The following PCDHGA11 variants were observed in gnomAD, a reference collection of about 807,000 sequenced individuals.
PCDHGA11 encodes protocadherin gamma subfamily A, 11, also known as protocadherin gamma-A11.
PCDHGA11 carries 39 observed loss-of-function variants against 60.4 expected under a neutral mutation model. The ratio of observed to expected loss-of-function variants is 0.65; its 90% CI spans 0.50 to 0.84. The LOEUF (loss-of-function observed/expected upper bound fraction) is 0.84, where lower values mean the gene tolerates loss of function less well. PCDHGA11 is among the 40% of genes least tolerant of loss of function. The probability of loss-of-function intolerance (pLI) is 0.00; values close to 1 mark genes in which losing one functional copy is unlikely to be tolerated. For synonymous variants in PCDHGA11, 533 were observed against 510.3 expected (o/e 1.04, Z -0.60); for missense variants, 1,165 against 1,197.7 (o/e 0.97, Z 0.40).
chr5:141,478,692 A>C (rs1459911657), intron 1 of PCDHGA11: 2 of 1,550,666 alleles, frequency 1.3e-6, no homozygotes, highest in African/African-American at 2.7e-5. Context: ...CCTAGATCAA[A>C]GTTAGTGCCT....
At chr5:141,434,784 A>T (rs967716221) in intron 1 of PCDHGA11, among the ~76,000 whole-genome samples, 11 of 150,278 alleles carry the variant, frequency 7.3e-5, no homozygotes, top group East Asian at 5.8e-4. Flanking sequence ...AAAAAAAAAA[A>T]TTTTTTTTTC....
At chr5:141,499,289 C>T in intron 2 of PCDHGA11, among the ~76,000 whole-genome samples, 1 of 152,212 alleles carries the variant, frequency 6.6e-6, no homozygotes, top group African/African-American at 2.4e-5. Context: ...GATGGCTCCA[C>T]ACTACCATCC....
In PCDHGA11 at chr5:141,476,240, G is replaced by A. The variant is rs762604058; in HGVS notation, c.2434-18567G>A. On this transcript the variant is annotated intron_variant, in intron 1 of 3. Coordinates refer to ENST00000398587, the MANE Select transcript of PCDHGA11 (RefSeq NM_018914.3). This position sits in a 1 kb window ranked among gnomAD's most constrained non-coding sequence, Gnocchi z 7.6. ...TCACTATGAGATCCCGGAGGAAAGAGAGAAGGGTTTCGCTGTGGGCAACGT... is the reference window on the plus strand; with the variant it reads ...TCACTATGAGATCCCGGAGGAAAGAAAGAAGGGTTTCGCTGTGGGCAACGT... The A allele has an allele frequency of 4.3e-6, 7 of 1,613,986 alleles. No individual in the cohort carries two copies. The highest frequency in any genetic ancestry group is 1.7e-6 in the Non-Finnish European group (2 of 1,180,030).
intron 3 of PCDHGA11, chr5:141,508,128 T>C (rs1490298338): frequency 6.6e-6 from 1 of 151,706 alleles, no homozygotes; most frequent in African/African-American, 2.4e-5. Context: ...CAGAGGGAGG[T>C]CAGGGAGCTG....
At position 141,432,881 on chromosome 5, in the gene PCDHGA11, G is replaced by A; in HGVS notation, c.2433+9221G>A. On this transcript the variant is annotated intron_variant, in intron 1 of 3. Coordinates refer to ENST00000398587, the MANE Select transcript of PCDHGA11 (RefSeq NM_018914.3). This position sits in a 1 kb window ranked among gnomAD's most constrained non-coding sequence, Gnocchi z 6.0. ...GGTCTCCTGCGTCTTCCTGGCCTTC[G>A]TCATCTTGCTGCTGGCGCTCAGGCT... 6.2e-7 allele frequency: 1 copy of A among 1,614,170 alleles called. No homozygotes were observed. The highest frequency in any genetic ancestry group is 1.1e-5 in the South Asian group (1 of 91,088).
chr5:141,423,755 G>GC (rs542747697), intron 1 of PCDHGA11, 95 bp downstream of exon 1: 5,773 of 512,484 alleles, frequency 0.011, 63 homozygotes, highest in Non-Finnish European at 0.014. Context: ...CTGTTTGGGG[G>GC]GGGGGTGGGG....
At position 141,421,277 on chromosome 5, in the gene PCDHGA11, T is replaced by C. The variant is rs761435958; in HGVS notation, c.50T>C (p.Leu17Pro). The C allele has an allele frequency of 1.2e-6, 2 of 1,612,826 alleles. No homozygotes were observed. Among genetic ancestry groups the C allele is most frequent in the Non-Finnish European group, 1.7e-6 (2 of 1,179,630 alleles). The stretch of plus-strand genomic sequence containing the variant: ...GACCGCAGTCGGCTGCTGCTGCTGC[T>C]GTGCATTTTCCTGGGGACGCTGCGG... ...RGDRSRLLLL[L>P]CIFLGTLRGF... Residue 17 changes from leucine to proline, a missense_variant, in exon 1 of 4, where the codon CTG becomes CCG. Leu to Pro is a moderately conservative substitution (Grantham distance 98, BLOSUM62 -3). Coordinates refer to ENST00000398587, the MANE Select transcript of PCDHGA11 (RefSeq NM_018914.3).
Position 141,432,155 on chromosome 5 carries a change from C to T in PCDHGA11, c.2433+8495C>T, listed in dbSNP as rs368480052. 3.8e-5 allele frequency: 62 copies of T among 1,614,178 alleles called. No individual in the cohort carries two copies. In the African/African-American group the frequency reaches 7.1e-4, roughly 18 times the overall value. On this transcript the variant is annotated intron_variant, in intron 1 of 3. Coordinates refer to ENST00000398587, the MANE Select transcript of PCDHGA11 (RefSeq NM_018914.3). This position sits in a 1 kb window ranked among gnomAD's most constrained non-coding sequence, Gnocchi z 6.0. ...TTCCGCTTATATCCCAGAGAACAATCCCAGAGGAGTTTCCCTCGTCTCTGT... is the reference window on the plus strand; with the variant it reads ...TTCCGCTTATATCCCAGAGAACAATTCCAGAGGAGTTTCCCTCGTCTCTGT...
chr5:141,496,980 G>T (rs186715298), intron 2 of PCDHGA11, among the ~76,000 whole-genome samples: 1 of 151,974 alleles, frequency 6.6e-6, no homozygotes, highest in Admixed American at 6.6e-5. Flanking sequence ...GAGGTCAGGG[G>T]TTTGAGACCA....
chr5:141,493,962 T>C lies in PCDHGA11; in HGVS notation c.2434-845T>C, dbSNP rs550317675. 6.6e-6 allele frequency among the ~76,000 whole-genome samples: 1 copy of C among 152,320 alleles called. No homozygotes were observed. Among genetic ancestry groups the C allele is most frequent in the African/African-American group, 2.4e-5 (1 of 41,578 alleles). ...AGAAGGGACTCAGGAATGAAGTGGC[T>C]GGCCAGAGCCCCACACCTTCAGCTA... is the stretch of plus-strand genomic sequence containing the variant. On this transcript the variant is annotated intron_variant, in intron 1 of 3. Coordinates refer to ENST00000398587, the MANE Select transcript of PCDHGA11 (RefSeq NM_018914.3). This position sits in a 1 kb window ranked among gnomAD's most constrained non-coding sequence, Gnocchi z 4.3.
Position 141,491,417 on chromosome 5 carries a change from G to A in PCDHGA11, c.2434-3390G>A, listed in dbSNP as rs200843744. 5 of 1,613,988 alleles carry A rather than the reference G, an allele frequency of 3.1e-6. No homozygotes were observed. The highest frequency in any genetic ancestry group is 1.1e-5 in the South Asian group (1 of 91,092). Reference sequence around the variant, plus strand: ...CAGGGAAACGCAGACGGGGACGGGGGTGGAGGGCAGTGCTGCAGGCGCCAG... The same window carrying A: ...CAGGGAAACGCAGACGGGGACGGGGATGGAGGGCAGTGCTGCAGGCGCCAG... On this transcript the variant is annotated intron_variant, in intron 1 of 3. Transcript: ENST00000398587. The surrounding 1 kb of genome is among the most constrained non-coding windows in gnomAD (Gnocchi z 6.9).
chr5:141,423,184 C>G lies in PCDHGA11; in HGVS notation c.1957C>G (p.Pro653Ala), dbSNP rs747938944. ...GGTGGCCGTCCAGGACCACGGCCAG[C>G]CCCCTCTCTCGGCCACCGTCACGCT... ...LVVAVQDHGQ[P>A]PLSATVTLTV... The change falls in exon 1 of 4, where the codon CCC becomes GCC. Residue 653 changes from proline (P) to alanine (A), a missense_variant. Physicochemically the swap from Pro to Ala is conservative, Grantham distance 27. Coordinates refer to ENST00000398587, the MANE Select transcript of PCDHGA11 (RefSeq NM_018914.3). 1.9e-6 allele frequency: 3 copies of G among 1,613,560 alleles called. No homozygotes were observed. Among genetic ancestry groups the G allele is most frequent in the Non-Finnish European group, 2.5e-6 (3 of 1,179,952 alleles).
At chr5:141,436,318 CTG>C (rs1309397202) in intron 1 of PCDHGA11, among the ~76,000 whole-genome samples, 1 of 152,154 alleles carries the variant, frequency 6.6e-6, no homozygotes, top group Non-Finnish European at 1.5e-5. Flanking sequence ...ATAGTCAAGA[CTG>C]TTAGACCATA....
chr5:141,493,983 A>G lies in PCDHGA11; in HGVS notation c.2434-824A>G, dbSNP rs2099751203. Among the ~76,000 whole-genome samples the G allele has an allele frequency of 6.6e-6, 1 of 152,194 alleles. No homozygotes were observed. The highest frequency in any genetic ancestry group is 6.5e-5 in the Admixed American group (1 of 15,278). ...TGGCTGGCCAGAGCCCCACACCTTC[A>G]GCTAGGTGGGAGATGGCTACACATC... On this transcript the variant is annotated intron_variant, in intron 1 of 3. Coordinates refer to ENST00000398587, the MANE Select transcript of PCDHGA11 (RefSeq NM_018914.3). The surrounding 1 kb of genome is among the most constrained non-coding windows in gnomAD (Gnocchi z 4.3).
chr5:141,450,823 A>AT (rs1453980247), intron 1 of PCDHGA11, among the ~76,000 whole-genome samples: 4 of 133,078 alleles, frequency 3.0e-5, no homozygotes, highest in African/African-American at 1.2e-4. Context: ...TAATATTATT[A>AT]TTATTATTTT....
At chr5:141,443,088 T>G (rs188899890) in intron 1 of PCDHGA11, among the ~76,000 whole-genome samples, 1 of 151,974 alleles carries the variant, frequency 6.6e-6, no homozygotes, top group African/African-American at 2.4e-5. Context: ...TGTTCCAGTC[T>G]CCTTCTCAAG....
At chr5:141,497,223 T>C (rs921763195) in intron 2 of PCDHGA11, among the ~76,000 whole-genome samples, 1 of 151,762 alleles carries the variant, frequency 6.6e-6, no homozygotes, top group Admixed American at 6.6e-5. Context: ...GGGGGGAAGA[T>C]CAGAGAAGGC....
intron 1 of PCDHGA11, among the ~76,000 whole-genome samples, chr5:141,450,061 C>A (rs1219642208): frequency 7.2e-6 from 1 of 139,334 alleles, no homozygotes; most frequent in Non-Finnish European, 1.5e-5. Context: ...GGCTGGAATG[C>A]AGTGGTATGA....
Position 141,432,806 on chromosome 5 carries a change from A to G in PCDHGA11, c.2433+9146A>G, listed in dbSNP as rs755248654. 12 of 1,614,070 alleles carry G rather than the reference A, an allele frequency of 7.4e-6. No individual in the cohort carries two copies. Among genetic ancestry groups the G allele is most frequent in the Non-Finnish European group, 9.3e-6 (11 of 1,179,972 alleles). On this transcript the variant is annotated intron_variant, in intron 1 of 3. Transcript: ENST00000398587. This position sits in a 1 kb window ranked among gnomAD's most constrained non-coding sequence, Gnocchi z 6.0. ...CCTCGGCAGCCTCGAGTCTCCAGCT[A>G]ACTCTGAAACCTCAGACCTCACTCT...
Sources: gnomAD v4.1 joint callset for allele counts (sites outside exome capture counted in the v4.1 genomes callset) on GRCh38, gnomAD v4.1.1 for gene constraint, Gnocchi (gnomAD v3.1) non-coding constraint, MANE v1.5 for transcripts, NCBI Gene and HGNC (gene_info 2026-07-23, HGNC 2026-07-21) for gene names.